The following WWOX variants were observed in gnomAD, a reference collection of about 807,000 sequenced individuals.
The protein encoded by WWOX is WW domain-containing oxidoreductase.
WWOX carries 69 observed loss-of-function variants against 46.2 expected under a neutral mutation model. The ratio of observed to expected loss-of-function variants is 1.49; its 90% CI spans 1.23 to 1.82. WWOX has a LOEUF of 1.82. Ranked by LOEUF, WWOX falls within the 40% of genes most tolerant of loss-of-function variation. The pLI is 0.00. For missense variants in WWOX, 919 were observed against 542.6 expected, an observed-to-expected ratio of 1.69 and a Z score of -6.89; for synonymous variants, 359 against 202.6, an observed-to-expected ratio of 1.77 and a Z score of -6.56.
At chr16:79,021,801 G>C (rs2047539010) in intron 8 of WWOX, among the ~76,000 whole-genome samples, 1 of 152,178 alleles carries the variant, frequency 6.6e-6, no homozygotes, top group Non-Finnish European at 1.5e-5. Context: ...CAGACCCTCA[G>C]ATTAAGGAGT....
At chr16:78,362,612 C>T (rs1489136643) in intron 5 of WWOX, among the ~76,000 whole-genome samples, 1 of 151,804 alleles carries the variant, frequency 6.6e-6, no homozygotes, top group Admixed American at 6.6e-5. Flanking sequence ...CTATCTACCC[C>T]CCACCCTGCA....
intron 5 of WWOX, among the ~76,000 whole-genome samples, chr16:78,274,811 T>G (rs2079547663): frequency 6.6e-6 from 1 of 152,176 alleles, no homozygotes; most frequent in South Asian, 2.1e-4. Flanking sequence ...AGACAAAGAT[T>G]TTAAAAATTC....
intron 8 of WWOX, among the ~76,000 whole-genome samples, chr16:78,781,071 C>T (rs377363471): frequency 1.3e-5 from 2 of 152,120 alleles, no homozygotes; most frequent in East Asian, 3.9e-4. Context: ...AAAACAGAAG[C>T]CTCCTAATTA....
rs2046433697 is a variant in WWOX at position 78,969,722 on chromosome 16, T to A, written c.1057-241886T>A. ...AGGAAAATTCGCATGTTGAAAACAT[T>A]GTACTAATCAAAAAAGCCAGTCACA... On this transcript the variant is annotated intron_variant, in intron 8 of 8. Transcript: ENST00000566780. 7.9e-5 allele frequency among the ~76,000 whole-genome samples: 12 copies of A among 152,282 alleles called. No individual in the cohort carries two copies. The South Asian group carries it at 2.5e-3, about 32-fold the overall frequency.
intron 8 of WWOX, among the ~76,000 whole-genome samples, chr16:78,560,657 G>C (rs1970869): frequency 1.3e-5 from 2 of 151,744 alleles, no homozygotes; most frequent in African/African-American, 4.8e-5. Flanking sequence ...AAAAATTAAT[G>C]ATAATAATGT....
At chr16:78,611,634 G>C (rs554383693) in intron 8 of WWOX, among the ~76,000 whole-genome samples, 1 of 152,184 alleles carries the variant, frequency 6.6e-6, no homozygotes, top group Non-Finnish European at 1.5e-5. Context: ...ATGATAGTTA[G>C]ATGCTGCGTT....
At chr16:79,132,267 A>G (rs1040108363) in intron 8 of WWOX, among the ~76,000 whole-genome samples, 3 of 152,150 alleles carry the variant, frequency 2.0e-5, no homozygotes, top group Non-Finnish European at 4.4e-5. Flanking sequence ...TTTACATAAA[A>G]AGGCAGCAGT....
chr16:79,054,003 A>AC (rs2048217058), intron 8 of WWOX, among the ~76,000 whole-genome samples: 1 of 151,808 alleles, frequency 6.6e-6, no homozygotes, highest in Non-Finnish European at 1.5e-5. Context: ...GGAAAAAAAA[A>AC]ATCAGAGCAG....
At chr16:79,013,373 C>G (rs2047350842) in intron 8 of WWOX, among the ~76,000 whole-genome samples, 1 of 152,214 alleles carries the variant, frequency 6.6e-6, no homozygotes, top group South Asian at 2.1e-4. Context: ...GAGAACTGCC[C>G]CGATCCCTAT....
intron 8 of WWOX, among the ~76,000 whole-genome samples, chr16:78,775,918 C>T (rs139058723): frequency 6.6e-6 from 1 of 152,184 alleles, no homozygotes; most frequent in Non-Finnish European, 1.5e-5. Context: ...CCTTCAAAGA[C>T]AAGGTCAGTC....
chr16:79,094,687 G>A (rs766060004), intron 8 of WWOX, among the ~76,000 whole-genome samples: 9 of 151,740 alleles, frequency 5.9e-5, no homozygotes, highest in Admixed American at 6.6e-5. Context: ...TATAAAATAT[G>A]TACAAGGATA....
chr16:78,971,842 G>C (rs1001475970), intron 8 of WWOX, among the ~76,000 whole-genome samples: 4 of 151,450 alleles, frequency 2.6e-5, no homozygotes, highest in African/African-American at 9.7e-5. Context: ...ACAAGAGAAA[G>C]CTAGTTCATT....
At chr16:78,764,331 G>C (rs1439318922) in intron 8 of WWOX, among the ~76,000 whole-genome samples, 1 of 151,528 alleles carries the variant, frequency 6.6e-6, no homozygotes, top group Non-Finnish European at 1.5e-5. Context: ...TGCAGAACCT[G>C]GCAAGTCCTA....
At position 78,719,054 on chromosome 16, in the gene WWOX, A is replaced by G. The variant is rs61638666; in HGVS notation, c.1056+286302A>G. Among the ~76,000 whole-genome samples, 1,333 of 152,290 alleles carry G rather than the reference A, an allele frequency of 8.8e-3. 26 individuals are homozygous for G. The highest frequency in any genetic ancestry group is 0.03 in the African/African-American group (1,242 of 41,566). The stretch of plus-strand genomic sequence containing the variant: ...AAGGGACAAGTAGAACTTAGTTCCA[A>G]CAGAGCTAAAGGGTATTGGTGAAGA... On this transcript the variant is annotated intron_variant, in intron 8 of 8. Coordinates refer to ENST00000566780, the MANE Select transcript of WWOX (RefSeq NM_016373.4).
intron 8 of WWOX, among the ~76,000 whole-genome samples, chr16:79,166,281 T>A (rs2050592855): frequency 6.6e-6 from 1 of 152,190 alleles, no homozygotes; most frequent in Non-Finnish European, 1.5e-5. Flanking sequence ...AACCTGGGTG[T>A]TTCAGCCAGG....
chr16:78,923,434 T>A (rs927131728), intron 8 of WWOX, among the ~76,000 whole-genome samples: 1 of 152,208 alleles, frequency 6.6e-6, no homozygotes, highest in Non-Finnish European at 1.5e-5. Flanking sequence ...AGCCTGCTAT[T>A]TTTTGAGCCT....
At chr16:78,114,388 C>A (rs2032662308) in intron 3 of WWOX, among the ~76,000 whole-genome samples, 1 of 152,214 alleles carries the variant, frequency 6.6e-6, no homozygotes, top group Admixed American at 6.5e-5. Flanking sequence ...GCGTGAGCCA[C>A]TGTGCCCAGC....
At chr16:78,543,540 A>G (rs1424805260) in intron 8 of WWOX, among the ~76,000 whole-genome samples, 2 of 152,178 alleles carry the variant, frequency 1.3e-5, no homozygotes, top group African/African-American at 2.4e-5. Flanking sequence ...CTAACATGGA[A>G]ACTTTTCAAC....
At chr16:78,969,001 A>G (rs569707010) in intron 8 of WWOX, among the ~76,000 whole-genome samples, 25 of 152,030 alleles carry the variant, frequency 1.6e-4, no homozygotes, top group African/African-American at 5.3e-4. Context: ...ATATTTCCAG[A>G]TGGACTGCCT....
Sources: gnomAD v4.1 joint callset for allele counts (sites outside exome capture counted in the v4.1 genomes callset) on GRCh38, gnomAD v4.1.1 for gene constraint, MANE v1.5 for transcripts, NCBI Gene and HGNC (gene_info 2026-07-23, HGNC 2026-07-21) for gene names.